ZBTB20: variants seen among roughly 807,000 people sequenced by gnomAD.
The protein encoded by ZBTB20 is zinc finger and BTB domain-containing protein 20.
In ZBTB20, 9 loss-of-function variants were observed where a neutral mutation model predicts 56.9. That is an observed-to-expected ratio of 0.16 (90% CI 0.10 to 0.28). ZBTB20 has a LOEUF of 0.28. Among genes scored for constraint, ZBTB20 ranks in the 10% least tolerant of loss-of-function variants. The pLI, the probability that ZBTB20 is intolerant of heterozygous loss-of-function variation, is 1.00. For missense variants in ZBTB20, 655 were observed against 1,003.0 expected (o/e 0.65, Z 4.69); for synonymous variants, 417 against 420.7 (o/e 0.99, Z 0.11).
chr3:115,050,634 A>G (rs1481435152), intron 2 of ZBTB20, among the ~76,000 whole-genome samples: 1 of 152,074 alleles, frequency 6.6e-6, no homozygotes, highest in African/African-American at 2.4e-5. Context: ...CTTTTATTTC[A>G]CTTTCTATAA....
intron 10 of ZBTB20, among the ~76,000 whole-genome samples, chr3:114,362,371 T>C (rs531793962): frequency 2.6e-5 from 4 of 152,174 alleles, no homozygotes; most frequent in East Asian, 3.9e-4. Context: ...GTGCCCAGCA[T>C]GTTTCTTTAT....
intron 5 of ZBTB20, among the ~76,000 whole-genome samples, chr3:114,750,441 G>A (rs867058998): frequency 2.0e-5 from 3 of 152,130 alleles, no homozygotes; most frequent in Non-Finnish European, 4.4e-5. Context: ...CTTATCTGTA[G>A]GAAGAAAAGC....
Position 114,339,302 on chromosome 3 carries a change from G to A in ZBTB20, c.1929C>T (p.Phe643=), listed in dbSNP as rs1175803748. The A allele has an allele frequency of 3.1e-6, 5 of 1,614,110 alleles. No homozygotes were observed. The African/African-American group carries it at 6.7e-5, about 22-fold the overall frequency. The change falls in exon 12 of 12, where the codon TTC becomes TTT. Residue 643 remains phenylalanine, a synonymous_variant. Transcript: ENST00000675478. This position sits in a 1 kb window ranked among gnomAD's most constrained non-coding sequence, Gnocchi z 4.2. ...GCACGTTGAGGGAGCTCTTCTGGGT[G>A]AAGCGCTTGTTGCAGATACTACACT... is the stretch of plus-strand genomic sequence containing the variant. ...AYQCSICNKR[F]TQKSSLNVHM...
At chr3:115,004,184 G>T (rs1213311609) in intron 2 of ZBTB20, among the ~76,000 whole-genome samples, 4 of 151,612 alleles carry the variant, frequency 2.6e-5, no homozygotes, top group African/African-American at 9.7e-5. Flanking sequence ...GGTCTGCAAA[G>T]AAATTAACTC....
intron 7 of ZBTB20, among the ~76,000 whole-genome samples, chr3:114,392,602 C>A (rs2108643027): frequency 6.6e-6 from 1 of 152,302 alleles, no homozygotes; most frequent in Non-Finnish European, 1.5e-5. Context: ...TATTGGCAAT[C>A]TGCTATTATG....
chr3:114,316,728 C>T lies in ZBTB20; in HGVS notation c.*22277G>A, dbSNP rs981030593. 1.1e-5 allele frequency: 4 copies of T among 371,144 alleles called. No individual in the cohort carries two copies. The highest frequency in any genetic ancestry group is 2.2e-5 in the Non-Finnish European group (4 of 182,510). 23.0% of individuals were successfully genotyped at this position (371,144 alleles called of 1,614,324 possible). ...TGTAATCCACTGATTCCTTGGAAAA[C>T]ATTTTTGATGAGAAAAATCTGACAG... is the stretch of plus-strand genomic sequence containing the variant. On this transcript the variant is annotated 3_prime_UTR_variant, in exon 12 of 12. Transcript: ENST00000675478.
intron 7 of ZBTB20, among the ~76,000 whole-genome samples, chr3:114,495,925 T>G (rs1294048675): frequency 2.6e-5 from 4 of 152,148 alleles, no homozygotes; most frequent in Admixed American, 2.6e-4. Context: ...GCCAAGGTGG[T>G]TCCTGATATT....
intron 6 of ZBTB20, among the ~76,000 whole-genome samples, chr3:114,583,274 A>G (rs139926971): frequency 9.2e-5 from 14 of 152,334 alleles, no homozygotes; most frequent in African/African-American, 3.4e-4. Context: ...GAAAAATGTG[A>G]AACAGAGAAA....
At chr3:114,373,002 C>T (rs1440555609) in intron 10 of ZBTB20, among the ~76,000 whole-genome samples, 7 of 151,934 alleles carry the variant, frequency 4.6e-5, no homozygotes, top group East Asian at 1.9e-4. Context: ...CTGCAACCTC[C>T]GCCTCCTGGG....
intron 6 of ZBTB20, among the ~76,000 whole-genome samples, chr3:114,576,395 G>A (rs1408384148): frequency 2.0e-5 from 3 of 150,486 alleles, no homozygotes; most frequent in Admixed American, 1.3e-4. Flanking sequence ...CCAGCTACTC[G>A]GGAGGCTGAG....
chr3:114,400,076 C>CA (rs2086685104), intron 7 of ZBTB20, among the ~76,000 whole-genome samples: 1 of 151,826 alleles, frequency 6.6e-6, no homozygotes, highest in East Asian at 1.9e-4. Context: ...TTTTTTTCCC[C>CA]AAAAAATGCC....
chr3:115,002,376 G>A (rs931253701), intron 2 of ZBTB20, among the ~76,000 whole-genome samples: 2 of 151,408 alleles, frequency 1.3e-5, no homozygotes, highest in African/African-American at 4.8e-5. Context: ...TGACGTTAGA[G>A]TTTATTAAAA....
chr3:114,528,406 C>T (rs1319673712), intron 6 of ZBTB20, among the ~76,000 whole-genome samples: 1 of 151,866 alleles, frequency 6.6e-6, no homozygotes, highest in African/African-American at 2.4e-5. Context: ...ACATGAGACA[C>T]AGGAAGAGGG....
At chr3:114,509,171 T>A (rs1466936478) in intron 6 of ZBTB20, among the ~76,000 whole-genome samples, 1 of 152,096 alleles carries the variant, frequency 6.6e-6, no homozygotes, top group African/African-American at 2.4e-5. Context: ...TATTTCCACA[T>A]CCACATTCCT....
At position 114,322,753 on chromosome 3, in the gene ZBTB20, G is replaced by A. The variant is rs2078938137; in HGVS notation, c.*16252C>T. ...AGTGCTTAAGGAATTTCTTATGCTA[G>A]TTTGGATGGCTCTAAATGGAGTTTT... On this transcript the variant is annotated 3_prime_UTR_variant, in exon 12 of 12. Coordinates refer to ENST00000675478, the MANE Select transcript of ZBTB20 (RefSeq NM_001348800.3). 6.6e-6 allele frequency: 1 copy of A among 152,192 alleles called. No individual in the cohort carries two copies. Among genetic ancestry groups the A allele is most frequent in the South Asian group, 2.1e-4 (1 of 4,830 alleles). 9.4% of individuals were successfully genotyped at this position (152,192 alleles called of 1,614,324 possible). A position where few individuals can be genotyped will look rare whatever the true frequency, so the allele number is the denominator to read the frequency against.
At chr3:114,711,479 T>A (rs2064076495) in intron 5 of ZBTB20, among the ~76,000 whole-genome samples, 1 of 152,214 alleles carries the variant, frequency 6.6e-6, no homozygotes, top group Non-Finnish European at 1.5e-5. Flanking sequence ...ATTCTTTCCA[T>A]CTGACTGCAC....
chr3:114,329,936 C>G lies in ZBTB20; in HGVS notation c.*9069G>C, dbSNP rs2079192293. On this transcript the variant is annotated 3_prime_UTR_variant, in exon 12 of 12. Coordinates refer to ENST00000675478, the MANE Select transcript of ZBTB20 (RefSeq NM_001348800.3). ...AGAAGACTGGCCCTTTGAAACGCAG[C>G]CTGTTATTGTTGGTCAGATCATGTG... 6.6e-6 allele frequency: 1 copy of G among 152,124 alleles called. No homozygotes were observed. Among genetic ancestry groups the G allele is most frequent in the Non-Finnish European group, 1.5e-5 (1 of 68,024 alleles). 9.4% of individuals were successfully genotyped at this position (152,124 alleles called of 1,614,324 possible).
rs542960541 is a variant in ZBTB20 at position 114,372,757 on chromosome 3, T to C, written c.199+7460A>G. 4.6e-5 allele frequency among the ~76,000 whole-genome samples: 7 copies of C among 152,084 alleles called. No homozygotes were observed. The East Asian group carries it at 7.8e-4, about 17-fold the overall frequency. ...CTACTCAGGAGGCTGGGTGGGAGGATTGCTTGAGCCCAGGAGGCAGAGGTG... is the reference window on the plus strand; with the variant it reads ...CTACTCAGGAGGCTGGGTGGGAGGACTGCTTGAGCCCAGGAGGCAGAGGTG... On this transcript the variant is annotated intron_variant, in intron 10 of 11. Transcript: ENST00000675478.
chr3:114,861,679 C>CCACACACA (rs35113346), intron 4 of ZBTB20: 5 of 53,868 alleles, frequency 9.3e-5, no homozygotes, highest in African/African-American at 1.6e-4. Flanking sequence ...AAGACACACA[C>CCACACACA]CACACACACA....
Sources: allele counts gnomAD v4.1 joint callset (sites outside exome capture counted in the v4.1 genomes callset), GRCh38; gene constraint gnomAD v4.1.1; non-coding constraint Gnocchi (gnomAD v3.1); transcripts MANE v1.5; gene names NCBI Gene and HGNC (gene_info 2026-07-23, HGNC 2026-07-21).